Variants in TBPL1 observed in about 807,000 individuals in gnomAD.
TBPL1 encodes the protein TATA box-binding protein-like 1.
Under a neutral mutation model 22.1 loss-of-function variants are expected in TBPL1, and 4 were observed. That is an observed-to-expected ratio of 0.18 (90% CI 0.09 to 0.41). The LOEUF is 0.41. TBPL1 is among the 10% of genes least tolerant of loss of function. The pLI, the probability that TBPL1 is intolerant of heterozygous loss-of-function variation, is 1.00. For missense variants in TBPL1, 115 were observed against 222.3 expected (o/e 0.52, Z 3.07); for synonymous variants, 64 against 71.0 (o/e 0.90, Z 0.50).
Position 133,987,323 on chromosome 6 carries a change from T to C in TBPL1, c.*283T>C, listed in dbSNP as rs911539154. 6.3e-5 allele frequency: 13 copies of C among 206,386 alleles called. No homozygotes were observed. Among genetic ancestry groups the C allele is most frequent in the Non-Finnish European group, 9.7e-5 (10 of 103,312 alleles). 12.8% of individuals were successfully genotyped at this position (206,386 alleles called of 1,614,324 possible). A position where few individuals can be genotyped will look rare whatever the true frequency, so the allele number is the denominator to read the frequency against. On this transcript the variant is annotated 3_prime_UTR_variant, in exon 7 of 7. Transcript: ENST00000237264. ...TAAGCAGAGCTGTCACAGTGTGCACTACCTTAGATTGTTTTATTGTCGTCA... is the reference window on the plus strand; with the variant it reads ...TAAGCAGAGCTGTCACAGTGTGCACCACCTTAGATTGTTTTATTGTCGTCA...
Position 133,985,294 on chromosome 6 carries a change from AAAAATATATATATATATATATAT to A in TBPL1, c.481+625_481+647del, listed in dbSNP as rs1328843166. On this transcript the variant is annotated intron_variant, in intron 6 of 6. Transcript: ENST00000237264. ...CTCTGTCTAAAAAAAAAAAAAAAAA[AAAAATATATATATATATATATAT>A]ATATATATATATATATATATACACA... Among the ~76,000 whole-genome samples, 48 of 68,060 alleles carry A rather than the reference AAAAATATATATATATATATATAT, an allele frequency of 7.1e-4. 12 individuals are homozygous for A. The highest frequency in any genetic ancestry group is 1.3e-3 in the Admixed American group (8 of 6,372). The allele number at this position is 68,060 out of a possible 152,430, so 44.7% of individuals were successfully genotyped here. A position where few individuals can be genotyped will look rare whatever the true frequency, so the allele number is the denominator to read the frequency against.
intron 1 of TBPL1, among the ~76,000 whole-genome samples, chr6:133,957,142 CATGCTATGG>C (rs1775941088): frequency 1.3e-5 from 2 of 152,022 alleles, no homozygotes; most frequent in East Asian, 3.9e-4. Context: ...TGGGTTGAAG[CATGCTATGG>C]ATCCCATTAA....
intron 1 of TBPL1, among the ~76,000 whole-genome samples, chr6:133,967,904 G>A (rs970750232): frequency 9.9e-5 from 15 of 151,978 alleles, no homozygotes; most frequent in African/African-American, 3.1e-4. Flanking sequence ...TCCCAATCTT[G>A]TTTCATGTGC....
intron 1 of TBPL1, among the ~76,000 whole-genome samples, chr6:133,970,689 G>A (rs1026881785): frequency 6.6e-6 from 1 of 151,540 alleles, no homozygotes. Context: ...GCTCATTGCA[G>A]CCTCAACCTC....
Position 133,980,135 on chromosome 6 carries a change from G to C in TBPL1, c.10G>C (p.Asp4His), listed in dbSNP as rs1190075631. 1.3e-6 allele frequency: 2 copies of C among 1,561,418 alleles called. No homozygotes were observed. The highest frequency in any genetic ancestry group is 1.4e-5 in the African/African-American group (1 of 72,434). Residue 4 changes from aspartate (D) to histidine (H), a missense_variant, in exon 2 of 7, where the codon GAC (aspartate) becomes CAC (histidine). By Grantham distance (81) the Asp-to-His change is moderately conservative (BLOSUM62 -1). Transcript: ENST00000237264. MDA[D>H]SDVALDILIT... ...TTTTAAAACCACCCCAATGGATGCA[G>C]ACAGTGATGTTGCATTGGACATTCT...
At chr6:133,985,395 A>G (rs1442825142) in intron 6 of TBPL1, among the ~76,000 whole-genome samples, 2 of 140,140 alleles carry the variant, frequency 1.4e-5, no homozygotes, top group Non-Finnish European at 3.0e-5. Context: ...TTGTAAATTC[A>G]TGATATCTTA....
intron 1 of TBPL1, among the ~76,000 whole-genome samples, chr6:133,969,451 A>C (rs1034662798): frequency 6.6e-6 from 1 of 152,110 alleles, no homozygotes; most frequent in Non-Finnish European, 1.5e-5. Context: ...AGTCTCATAG[A>C]TAGTAGGTAG....
In TBPL1 at chr6:133,987,093, C is replaced by T; in HGVS notation, c.*53C>T. ...AACTGAGCACCTTTTAAACCTGCTG[C>T]ACATTGGACTCAAAAGGAAAACTGG... On this transcript the variant is annotated 3_prime_UTR_variant, in exon 7 of 7. Coordinates refer to ENST00000237264, the MANE Select transcript of TBPL1 (RefSeq NM_004865.4). The T allele has an allele frequency of 1.5e-6, 2 of 1,303,448 alleles. No individual in the cohort carries two copies. The highest frequency in any genetic ancestry group is 2.2e-6 in the Non-Finnish European group (2 of 927,074). 80.7% of individuals were successfully genotyped at this position (1,303,448 alleles called of 1,614,324 possible). A position where few individuals can be genotyped will look rare whatever the true frequency, so the allele number is the denominator to read the frequency against.
chr6:133,985,931 G>C (rs1232097122), intron 6 of TBPL1: 1 of 152,108 alleles, frequency 6.6e-6, no homozygotes, highest in African/African-American at 2.4e-5. Flanking sequence ...AAGCCACAAA[G>C]CCTATTGAAC....
At chr6:133,962,393 G>A (rs535296380) in intron 1 of TBPL1, among the ~76,000 whole-genome samples, 17 of 152,158 alleles carry the variant, frequency 1.1e-4, no homozygotes, top group Middle Eastern at 3.2e-3. Context: ...AAAATAAAAC[G>A]TTGCTTTGGA....
Position 133,988,869 on chromosome 6 carries a change from T to G in TBPL1, c.*1829T>G, listed in dbSNP as rs1402898139. On this transcript the variant is annotated 3_prime_UTR_variant, in exon 7 of 7. Coordinates refer to ENST00000237264, the MANE Select transcript of TBPL1 (RefSeq NM_004865.4). Reference sequence around the variant, plus strand: ...TTTTTCATTTAGTTTTAATTAACAGTAATAAGTCACCTCCTGTTTTTCAAT... The same window carrying G: ...TTTTTCATTTAGTTTTAATTAACAGGAATAAGTCACCTCCTGTTTTTCAAT... 1 of 152,146 alleles carries G rather than the reference T, an allele frequency of 6.6e-6. No individual in the cohort carries two copies. 9.4% of individuals were successfully genotyped at this position (152,146 alleles called of 1,614,324 possible). A position where few individuals can be genotyped will look rare whatever the true frequency, so the allele number is the denominator to read the frequency against.
chr6:133,976,967 CAAA>C (rs537206851), intron 1 of TBPL1, among the ~76,000 whole-genome samples: 4 of 62,124 alleles, frequency 6.4e-5, no homozygotes, highest in Non-Finnish European at 6.8e-5. Context: ...GACTTGGTCT[CAAA>C]AAAAAAAAAA....
At chr6:133,964,971 T>A (rs1384025057) in intron 1 of TBPL1, among the ~76,000 whole-genome samples, 1 of 152,224 alleles carries the variant, frequency 6.6e-6, no homozygotes, top group Non-Finnish European at 1.5e-5. Flanking sequence ...TGATGAGTTA[T>A]CAGTGCTTCA....
chr6:133,971,982 T>C (rs1378464759), intron 1 of TBPL1, among the ~76,000 whole-genome samples: 1 of 152,192 alleles, frequency 6.6e-6, no homozygotes, highest in Non-Finnish European at 1.5e-5. Flanking sequence ...GGTAAAGCAG[T>C]AATACAGCAT....
At chr6:133,975,806 A>G (rs758254900) in intron 1 of TBPL1, among the ~76,000 whole-genome samples, 3 of 152,206 alleles carry the variant, frequency 2.0e-5, no homozygotes, top group Non-Finnish European at 4.4e-5. Flanking sequence ...GGAGGATGTG[A>G]TTTGGAAGAA....
intron 6 of TBPL1, chr6:133,985,951 T>C (rs372593836): frequency 3.9e-4 from 59 of 152,172 alleles, no homozygotes; most frequent in African/African-American, 1.3e-3. Flanking sequence ...CAATCTCTAC[T>C]AAGTATATAA....
In TBPL1 at chr6:133,984,405, C is replaced by T. The variant is rs766849938; in HGVS notation, c.312C>T (p.Asn104=). 60 of 1,612,906 alleles carry T rather than the reference C, an allele frequency of 3.7e-5. No individual in the cohort carries two copies. Among genetic ancestry groups the T allele is most frequent in the Non-Finnish European group, 5.1e-5 (60 of 1,179,422 alleles). Residue 104 remains asparagine, a synonymous_variant, in exon 5 of 7, where the codon AAC becomes AAT. Transcript: ENST00000237264. The part of the protein sequence containing the change: ...QVIFTDFKVV[N]VLAVCNMPFE... ...TATTTACAGATTTTAAGGTTGTTAA[C>T]GTTCTGGCAGTGTGTAACATGCCAT...
Position 133,989,218 on chromosome 6 carries a change from A to G in TBPL1, c.*2178A>G, listed in dbSNP as rs574545949. ...TTTTTTATAAATAAAAACTGTGAAT[A>G]TATATGTACAAGTTGTAAGTATTTC... On this transcript the variant is annotated 3_prime_UTR_variant, in exon 7 of 7. Transcript: ENST00000237264. The G allele has an allele frequency of 2.0e-5, 3 of 152,172 alleles. No individual in the cohort carries two copies. The highest frequency in any genetic ancestry group is 7.2e-5 in the African/African-American group (3 of 41,440). 9.4% of individuals were successfully genotyped at this position (152,172 alleles called of 1,614,324 possible).
chr6:133,955,748 C>T (rs1775915372), intron 1 of TBPL1, among the ~76,000 whole-genome samples: 1 of 152,158 alleles, frequency 6.6e-6, no homozygotes, highest in African/African-American at 2.4e-5. Flanking sequence ...AGAGCCTGTT[C>T]TGTGTTTTAA....
Sources: allele counts gnomAD v4.1 joint callset (sites outside exome capture counted in the v4.1 genomes callset), GRCh38; gene constraint gnomAD v4.1.1; transcripts MANE v1.5; gene names NCBI Gene and HGNC (gene_info 2026-07-23, HGNC 2026-07-21).